Variants in PIBF1 observed in about 807,000 individuals in gnomAD.
PIBF1 encodes progesterone immunomodulatory binding factor 1.
PIBF1 carries 90 observed loss-of-function variants against 112.5 expected under a neutral mutation model. The ratio of observed to expected loss-of-function variants is 0.80; its 90% CI spans 0.67 to 0.95. PIBF1 has a LOEUF of 0.95. Among genes scored for constraint, PIBF1 ranks in the 40% least tolerant of loss-of-function variants. The pLI, the probability that PIBF1 is intolerant of heterozygous loss-of-function variation, is 0.00. For missense variants in PIBF1, 915 were observed against 852.3 expected (o/e 1.07, Z -0.92); for synonymous variants, 301 against 288.6 (o/e 1.04, Z -0.44).
intron 17 of PIBF1, among the ~76,000 whole-genome samples, chr13:73,013,300 C>CAA (rs869055620): frequency 0.15 from 2,094 of 14,368 alleles, 401 homozygotes; most frequent in African/African-American, 0.39. Context: ...GACTCTGTCT[C>CAA]AAAAAAAAAA....
intron 16 of PIBF1, among the ~76,000 whole-genome samples, chr13:72,993,920 A>G (rs187210130): frequency 1.3e-5 from 2 of 152,166 alleles, no homozygotes; most frequent in Non-Finnish European, 2.9e-5. Flanking sequence ...GAAGGAGTTC[A>G]AGACTAGCCT....
intron 14 of PIBF1, among the ~76,000 whole-genome samples, chr13:72,932,064 C>A (rs1249183409): frequency 2.0e-5 from 3 of 151,442 alleles, no homozygotes; most frequent in Admixed American, 2.0e-4. Context: ...TCCTCAGCCT[C>A]CCAAGTAGCT....
Position 72,821,917 on chromosome 13 carries a change from A to C in PIBF1, c.741A>C (p.Leu247Phe). 2 of 1,613,058 alleles carry C rather than the reference A, an allele frequency of 1.2e-6. No homozygotes were observed. The highest frequency in any genetic ancestry group is 1.1e-5 in the South Asian group (1 of 90,994). The change falls in exon 6 of 18, where the codon TTA becomes TTC. Residue 247 changes from leucine to phenylalanine, a missense_variant. By Grantham distance (22) the Leu-to-Phe change is conservative. Coordinates refer to ENST00000326291, the MANE Select transcript of PIBF1 (RefSeq NM_006346.4). ...GATGTCAACGTTTGGCCTTAGAATT[A>C]GCAGACACAAAACAGTTAATTCAGC... ...QIRCQRLALELADTKQLIQQG... is the reference protein window; with the variant it reads ...QIRCQRLALEFADTKQLIQQG...
intron 16 of PIBF1, among the ~76,000 whole-genome samples, chr13:72,994,206 T>C (rs2043575072): frequency 6.6e-6 from 1 of 152,028 alleles, no homozygotes; most frequent in Non-Finnish European, 1.5e-5. Context: ...TAGTGGAACT[T>C]GCCAAAGTGT....
intron 11 of PIBF1, among the ~76,000 whole-genome samples, chr13:72,895,477 GA>G (rs2040245718): frequency 6.6e-6 from 1 of 151,740 alleles, no homozygotes; most frequent in Non-Finnish European, 1.5e-5. Context: ...GAAAAAAAAG[GA>G]ATGGACCATT....
At chr13:72,876,958 G>T (rs1362632424) in intron 10 of PIBF1, among the ~76,000 whole-genome samples, 2 of 152,060 alleles carry the variant, frequency 1.3e-5, no homozygotes, top group Admixed American at 6.6e-5. Context: ...ATGTTGAAAA[G>T]TTCCTGATCT....
intron 11 of PIBF1, among the ~76,000 whole-genome samples, chr13:72,904,672 C>T (rs1304752606): frequency 6.6e-6 from 1 of 151,628 alleles, no homozygotes; most frequent in African/African-American, 2.4e-5. Flanking sequence ...AACTCCTGAC[C>T]TCAGGTGATC....
At chr13:72,983,685 TC>T (rs959594978) in intron 16 of PIBF1, among the ~76,000 whole-genome samples, 9 of 152,218 alleles carry the variant, frequency 5.9e-5, no homozygotes, top group African/African-American at 1.9e-4. Context: ...CATTTCAGCA[TC>T]CCAAGTGCCC....
chr13:72,951,138 C>G (rs2042285083), intron 14 of PIBF1, among the ~76,000 whole-genome samples: 1 of 152,162 alleles, frequency 6.6e-6, no homozygotes, highest in African/African-American at 2.4e-5. Flanking sequence ...GTGTGTGTGC[C>G]TGTGTACACA....
chr13:72,899,532 A>G (rs907903088), intron 11 of PIBF1, among the ~76,000 whole-genome samples: 1 of 152,232 alleles, frequency 6.6e-6, no homozygotes, highest in Non-Finnish European at 1.5e-5. Context: ...ACACCTCAAT[A>G]GATGCAGAAA....
chr13:72,878,434 T>A (rs76328147), intron 10 of PIBF1, among the ~76,000 whole-genome samples: 15,624 of 152,292 alleles, frequency 0.1, 1,089 homozygotes, highest in Non-Finnish European at 0.15. Flanking sequence ...CCACATATTT[T>A]AGAATCTTCC....
At chr13:72,981,694 T>G (rs558743206) in intron 16 of PIBF1, among the ~76,000 whole-genome samples, 1 of 152,240 alleles carries the variant, frequency 6.6e-6, no homozygotes, top group African/African-American at 2.4e-5. Flanking sequence ...TATGTACTTA[T>G]AGTAGTACCA....
chr13:72,947,241 A>ATGGCCTGAGCTGTACAT (rs1165305364), intron 14 of PIBF1, among the ~76,000 whole-genome samples: 1 of 152,178 alleles, frequency 6.6e-6, no homozygotes, highest in East Asian at 1.9e-4. Context: ...ATCTGAAGCA[A>ATGGCCTGAGCTGTACAT]TGGCCTGAGC....
intron 12 of PIBF1, among the ~76,000 whole-genome samples, chr13:72,915,536 G>A (rs1199413473): frequency 1.3e-5 from 2 of 152,170 alleles, no homozygotes; most frequent in Non-Finnish European, 2.9e-5. Flanking sequence ...TTTTTGAGAT[G>A]TGAACTAAAT....
chr13:73,003,999 G>A (rs143686349), intron 17 of PIBF1, among the ~76,000 whole-genome samples: 10 of 152,250 alleles, frequency 6.6e-5, no homozygotes, highest in African/African-American at 2.4e-4. Flanking sequence ...ATAGTCATCA[G>A]CCACTGCACC....
chr13:72,807,413 A>G (rs1201040455), intron 5 of PIBF1, among the ~76,000 whole-genome samples: 3 of 152,144 alleles, frequency 2.0e-5, no homozygotes, highest in Non-Finnish European at 2.9e-5. Flanking sequence ...CGTCTCTATT[A>G]AAAATACATA....
intron 10 of PIBF1, among the ~76,000 whole-genome samples, chr13:72,863,660 A>G (rs1293353131): frequency 2.0e-5 from 3 of 151,212 alleles, no homozygotes; most frequent in Non-Finnish European, 4.4e-5. Context: ...TCCGTCTCAA[A>G]AAAAAAAAAA....
chr13:72,802,158 G>A (rs1010261982), intron 5 of PIBF1, among the ~76,000 whole-genome samples: 1 of 152,062 alleles, frequency 6.6e-6, no homozygotes, highest in Admixed American at 6.5e-5. Context: ...GTTACACATG[G>A]ATTTTTTTTT....
chr13:72,928,890 C>T (rs1469732868), intron 13 of PIBF1, among the ~76,000 whole-genome samples: 3 of 152,162 alleles, frequency 2.0e-5, no homozygotes, highest in Non-Finnish European at 2.9e-5. Context: ...TTGATGTCTT[C>T]AAGTCATTAT....
Sources: gnomAD v4.1 joint callset for allele counts (sites outside exome capture counted in the v4.1 genomes callset) on GRCh38, gnomAD v4.1.1 for gene constraint, MANE v1.5 for transcripts, NCBI Gene and HGNC (gene_info 2026-07-23, HGNC 2026-07-21) for gene names.